The following CTCF variants were observed in gnomAD, a reference collection of about 807,000 sequenced individuals.
CTCF encodes the protein transcriptional repressor CTCF.
A neutral mutation model predicts 72.3 loss-of-function variants in CTCF; 7 were observed. The ratio of observed to expected loss-of-function variants is 0.10; its 90% CI spans 0.06 to 0.18. The LOEUF (loss-of-function observed/expected upper bound fraction) is 0.18. Among genes scored for constraint, CTCF ranks in the 10% least tolerant of loss-of-function variants. CTCF has a pLI of 1.00. For synonymous variants in CTCF, 374 were observed against 315.8 expected, an observed-to-expected ratio of 1.18 and a Z score of -1.95; for missense variants, 516 against 949.1, an observed-to-expected ratio of 0.54 and a Z score of 6.00.
intron 1 of CTCF, 114 bp downstream of exon 1, chr16:67,562,838 T>C (rs1220889410): frequency 1.3e-5 from 2 of 149,344 alleles, no homozygotes; most frequent in Non-Finnish European, 3.0e-5. Flanking sequence ...CGGGGGGTGT[T>C]TGTCTCCCTC....
At chr16:67,633,642 A>C (rs918955609) in intron 10 of CTCF, among the ~76,000 whole-genome samples, 1 of 152,150 alleles carries the variant, frequency 6.6e-6, no homozygotes, top group Admixed American at 6.6e-5. Flanking sequence ...TGATGGATGA[A>C]GCCTGTAATC....
At chr16:67,565,326 TAGG>T (rs2051328841) in intron 1 of CTCF, among the ~76,000 whole-genome samples, 1 of 151,902 alleles carries the variant, frequency 6.6e-6, no homozygotes, top group South Asian at 2.1e-4. Context: ...AAATTAGTGA[TAGG>T]AGGATGATTA....
At chr16:67,566,646 G>T (rs141292841) in intron 1 of CTCF, among the ~76,000 whole-genome samples, 4,934 of 148,090 alleles carry the variant, frequency 0.033, 129 homozygotes, top group South Asian at 0.062. Context: ...GCACGATCTC[G>T]GCTCACTGCA....
rs1567603848 is a variant in CTCF, at chr16:67,601,257, TTG to T, written c.-9-9565_-9-9564del. The stretch of plus-strand genomic sequence containing the variant: ...GTGTGTGTGTGTGTGTGTGTGTGTT[TTG>T]TTTTGTTTTTTAAGACAGAGTCTCA... On this transcript the variant is annotated intron_variant, in intron 2 of 11. Transcript: ENST00000264010. Among the ~76,000 whole-genome samples, 86 of 116,106 alleles carry T rather than the reference TTG, an allele frequency of 7.4e-4. 1 individual carries two copies. The highest frequency in any genetic ancestry group is 4.0e-3 in the Middle Eastern group (1 of 250). 76.2% of individuals were successfully genotyped at this position (116,106 alleles called of 152,430 possible). A position where few individuals can be genotyped will look rare whatever the true frequency, so the allele number is the denominator to read the frequency against.
At chr16:67,629,319 A>T (rs1307752403) in intron 9 of CTCF, 79 bp from the exon 10 acceptor site, 1 of 1,403,956 alleles carries the variant, frequency 7.1e-7, no homozygotes, top group African/African-American at 1.4e-5. Context: ...CTTAATATGG[A>T]TTTTATTAAA....
chr16:67,637,034 CT>C (rs1413397181), intron 11 of CTCF, among the ~76,000 whole-genome samples, 183 bp downstream of exon 11: 1 of 152,014 alleles, frequency 6.6e-6, no homozygotes, highest in Non-Finnish European at 1.5e-5. Flanking sequence ...CTGAGGAAGT[CT>C]TTAGAGGCCT....
intron 2 of CTCF, among the ~76,000 whole-genome samples, chr16:67,580,395 G>A (rs1322826232): frequency 6.6e-6 from 1 of 151,616 alleles, no homozygotes; most frequent in African/African-American, 2.4e-5. Flanking sequence ...GTAAAGATGG[G>A]GTCTTACTGT....
rs58241150 is a variant in CTCF, at chr16:67,601,294, CGTGTGTGTGTGTGTGTGT to C, written c.-9-9503_-9-9486del. On this transcript the variant is annotated intron_variant, in intron 2 of 11. Coordinates refer to ENST00000264010, the MANE Select transcript of CTCF (RefSeq NM_006565.4). Reference sequence around the variant, plus strand: ...TTAAGACAGAGTCTCACTCTGTCACCGTGTGTGTGTGTGTGTGTGTGTGTGTGTGTGTGTGTGTGTGTG... The same window carrying C: ...TTAAGACAGAGTCTCACTCTGTCACCGTGTGTGTGTGTGTGTGTGTGTGTG... Among the ~76,000 whole-genome samples, 32 of 98,692 alleles carry C rather than the reference CGTGTGTGTGTGTGTGTGT, an allele frequency of 3.2e-4. 1 individual carries two copies. Among genetic ancestry groups the C allele is most frequent in the East Asian group, 6.2e-4 (2 of 3,216 alleles). The allele number at this position is 98,692 out of a possible 152,430, so 64.7% of individuals were successfully genotyped here.
intron 4 of CTCF, among the ~76,000 whole-genome samples, chr16:67,613,322 T>C (rs1189544937): frequency 1.3e-5 from 2 of 152,248 alleles, no homozygotes; most frequent in Non-Finnish European, 2.9e-5. Flanking sequence ...TTTAGATTTG[T>C]TGTGCTGGTT....
Position 67,637,946 on chromosome 16 carries a change from T to C in CTCF, c.*74T>C. 1 of 1,326,074 alleles carries C rather than the reference T, an allele frequency of 7.5e-7. No individual in the cohort carries two copies. Among genetic ancestry groups the C allele is most frequent in the Non-Finnish European group, 1.0e-6 (1 of 993,324 alleles). The allele number at this position is 1,326,074 out of a possible 1,614,324, so 82.1% of individuals were successfully genotyped here. A position where few individuals can be genotyped will look rare whatever the true frequency, so the allele number is the denominator to read the frequency against. On this transcript the variant is annotated 3_prime_UTR_variant, in exon 12 of 12. Transcript: ENST00000264010. ...GGCCCGCATCTTAATTTTTCTCCCTTCTTTCTTTTTTTGGCTTTGGGAAAA... is the reference window on the plus strand; with the variant it reads ...GGCCCGCATCTTAATTTTTCTCCCTCCTTTCTTTTTTTGGCTTTGGGAAAA...
chr16:67,605,122 G>A (rs375220319), intron 2 of CTCF, among the ~76,000 whole-genome samples: 40 of 151,642 alleles, frequency 2.6e-4, no homozygotes, highest in Middle Eastern at 3.4e-3. Flanking sequence ...ACAGGCACCC[G>A]CCACCACTCC....
chr16:67,608,907 A>C (rs1265032375), intron 2 of CTCF, among the ~76,000 whole-genome samples: 4 of 151,928 alleles, frequency 2.6e-5, no homozygotes, highest in African/African-American at 9.7e-5. Context: ...ACACCTGGCT[A>C]ATTTTGTATT....
chr16:67,605,389 A>G (rs1251914966), intron 2 of CTCF, among the ~76,000 whole-genome samples: 1 of 152,160 alleles, frequency 6.6e-6, no homozygotes, highest in Non-Finnish European at 1.5e-5. Flanking sequence ...ACATTTTTTT[A>G]TATTTGTCCC....
At chr16:67,608,538 G>C (rs1227446647) in intron 2 of CTCF, among the ~76,000 whole-genome samples, 1 of 152,106 alleles carries the variant, frequency 6.6e-6, no homozygotes, top group East Asian at 1.9e-4. Flanking sequence ...ACAGGGTGGG[G>C]AAAATGGGGA....
chr16:67,629,906 C>T (rs550204504), intron 10 of CTCF, among the ~76,000 whole-genome samples: 1 of 150,518 alleles, frequency 6.6e-6, no homozygotes, highest in South Asian at 2.1e-4. Flanking sequence ...TCCCGAGTAG[C>T]TGTGACTACA....
chr16:67,601,546 G>A (rs532973067), intron 2 of CTCF, among the ~76,000 whole-genome samples: 8 of 151,882 alleles, frequency 5.3e-5, no homozygotes, highest in Admixed American at 5.3e-4. Context: ...GTTTCACCAT[G>A]TTAGCCAGGA....
Position 67,584,335 on chromosome 16 carries a change from T to G in CTCF, c.-10+13071T>G, listed in dbSNP as rs552583900. Among the ~76,000 whole-genome samples, 44 of 138,852 alleles carry G rather than the reference T, an allele frequency of 3.2e-4. 1 individual carries two copies. The highest frequency in any genetic ancestry group is 7.8e-4 in the African/African-American group (26 of 33,460). 91.1% of individuals were successfully genotyped at this position (138,852 alleles called of 152,430 possible). ...AACTCCTTCTCAAAAAAAAAAAGTC[T>G]TCTTTTTTTTTTTTTTTTTTTTTGA... On this transcript the variant is annotated intron_variant, in intron 2 of 11. Coordinates refer to ENST00000264010, the MANE Select transcript of CTCF (RefSeq NM_006565.4).
chr16:67,579,957 C>T (rs1013713856), intron 2 of CTCF, among the ~76,000 whole-genome samples: 1 of 152,042 alleles, frequency 6.6e-6, no homozygotes, highest in Non-Finnish European at 1.5e-5. Context: ...ACTTGGTAGG[C>T]CATGTGAAAG....
At chr16:67,609,183 T>C (rs2052022485) in intron 2 of CTCF, among the ~76,000 whole-genome samples, 1 of 152,202 alleles carries the variant, frequency 6.6e-6, no homozygotes, top group African/African-American at 2.4e-5. Flanking sequence ...TCTGGAAATG[T>C]GGCAAGACCC....
Sources: gnomAD v4.1 joint callset for allele counts (sites outside exome capture counted in the v4.1 genomes callset) on GRCh38, gnomAD v4.1.1 for gene constraint, MANE v1.5 for transcripts, NCBI Gene and HGNC (gene_info 2026-07-23, HGNC 2026-07-21) for gene names.